The following RGS5 variants were observed in gnomAD, a reference collection of about 807,000 sequenced individuals.
The protein encoded by RGS5 is regulator of G protein signaling 5.
RGS5 carries 20 observed loss-of-function variants against 18.9 expected under a neutral mutation model. The ratio of observed to expected loss-of-function variants is 1.06; its 90% CI spans 0.74 to 1.54. The LOEUF is 1.54. Among genes scored for constraint, RGS5 ranks in the 40% most tolerant of loss-of-function variants. RGS5 has a pLI of 0.00. For missense variants in RGS5, 201 were observed against 211.8 expected, an observed-to-expected ratio of 0.95 and a Z score of 0.32; for synonymous variants, 57 against 76.2, an observed-to-expected ratio of 0.75 and a Z score of 1.31.
rs187984643 is a variant in RGS5 at position 163,278,169 on chromosome 1, G to C, written c.-281+28064C>G. Among the ~76,000 whole-genome samples, 72 of 152,156 alleles carry C rather than the reference G, an allele frequency of 4.7e-4. 1 individual carries two copies. Among genetic ancestry groups the C allele is most frequent in the Non-Finnish European group, 1.2e-4 (8 of 67,974 alleles). On this transcript the variant is annotated intron_variant, in intron 2 of 5. Coordinates refer to the RGS5 transcript ENST00000618415. ...CATCCAGATACAGGAAGCTTAAAAA[G>C]TCCCAAATAGATTAAATCCAAAAAG...
intron 2 of RGS5, chr1:163,305,099 T>C (rs1359178883): frequency 6.6e-6 from 1 of 152,236 alleles, no homozygotes; most frequent in Non-Finnish European, 1.5e-5. Context: ...GGGGAGAAGA[T>C]AAAGTATGGC....
At chr1:163,319,150 A>C (rs1293820382) in intron 1 of RGS5, 1 of 152,202 alleles carries the variant, frequency 6.6e-6, no homozygotes, top group Non-Finnish European at 1.5e-5. Flanking sequence ...AGATTTGTTT[A>C]AAGCACTAGA....
chr1:163,276,743 T>C (rs1184560769), intron 2 of RGS5, among the ~76,000 whole-genome samples: 2 of 152,234 alleles, frequency 1.3e-5, no homozygotes, highest in African/African-American at 4.8e-5. Flanking sequence ...CCAGCAGCTA[T>C]GCCACCCTGG....
At chr1:163,279,276 A>T (rs369919297) in intron 2 of RGS5, among the ~76,000 whole-genome samples, 3 of 152,136 alleles carry the variant, frequency 2.0e-5, no homozygotes, top group East Asian at 3.9e-4. Flanking sequence ...TAGGCCACCA[A>T]ACAAATATTA....
chr1:163,206,787 CT>C (rs1056643214), upstream of RGS5: 18 of 152,056 alleles, frequency 1.2e-4, no homozygotes, highest in African/African-American at 4.3e-4. Context: ...AACTTCTCAG[CT>C]TGCAAAACTG....
At chr1:163,289,841 C>A (rs576031488) in intron 2 of RGS5, among the ~76,000 whole-genome samples, 1 of 152,144 alleles carries the variant, frequency 6.6e-6, no homozygotes, top group East Asian at 1.9e-4. Flanking sequence ...TAAAAAGCAG[C>A]CCCCAAATAA....
chr1:163,284,158 G>A (rs557006526), intron 2 of RGS5, among the ~76,000 whole-genome samples: 57 of 152,274 alleles, frequency 3.7e-4, no homozygotes, highest in Admixed American at 8.5e-4. Context: ...CCTGTTTTAA[G>A]AGAATCTGAC....
At chr1:163,179,744 C>T (rs1658724592) in intron 1 of RGS5, among the ~76,000 whole-genome samples, 1 of 152,120 alleles carries the variant, frequency 6.6e-6, no homozygotes, top group Non-Finnish European at 1.5e-5. Context: ...TCTAATAGCT[C>T]CTCCAGCTAT....
At chr1:163,292,195 GT>G (rs1649306908) in intron 2 of RGS5, among the ~76,000 whole-genome samples, 1 of 152,036 alleles carries the variant, frequency 6.6e-6, no homozygotes, top group East Asian at 1.9e-4. Flanking sequence ...ACAGGCCCCA[GT>G]GTGTACTGTT....
At chr1:163,259,456 G>A (rs988874072) in intron 2 of RGS5, among the ~76,000 whole-genome samples, 1 of 151,952 alleles carries the variant, frequency 6.6e-6, no homozygotes, top group African/African-American at 2.4e-5. Context: ...GAGCCACCAC[G>A]CCCAGCTACA....
chr1:163,196,425 A>G (rs1435384623), intron 1 of RGS5, among the ~76,000 whole-genome samples: 1 of 152,164 alleles, frequency 6.6e-6, no homozygotes, highest in African/African-American at 2.4e-5. Flanking sequence ...TCCTTGCTAG[A>G]GAAGGAGAAA....
upstream of RGS5, among the ~76,000 whole-genome samples, chr1:163,204,284 A>G (rs1659884996): frequency 6.6e-6 from 1 of 151,588 alleles, no homozygotes; most frequent in Non-Finnish European, 1.5e-5. Context: ...CATAATCAAA[A>G]AAGTTTGAAA....
At chr1:163,184,066 A>G (rs753025852) in intron 1 of RGS5, among the ~76,000 whole-genome samples, 1 of 152,174 alleles carries the variant, frequency 6.6e-6, no homozygotes, top group Non-Finnish European at 1.5e-5. Flanking sequence ...AGGACTAAAG[A>G]ATAGAAACTC....
intron 2 of RGS5, among the ~76,000 whole-genome samples, chr1:163,299,945 T>G (rs1471059777): frequency 6.6e-6 from 1 of 152,226 alleles, no homozygotes; most frequent in African/African-American, 2.4e-5. Flanking sequence ...CTTTCTTAAA[T>G]GACTTGTGTG....
intron 1 of RGS5, among the ~76,000 whole-genome samples, chr1:163,174,524 C>T (rs568553396): frequency 6.6e-6 from 1 of 152,280 alleles, no homozygotes; most frequent in South Asian, 2.1e-4. Flanking sequence ...TAAGATGTCT[C>T]TAATTTGCTA....
At chr1:163,275,226 G>A (rs1028327189) in intron 2 of RGS5, among the ~76,000 whole-genome samples, 4 of 152,162 alleles carry the variant, frequency 2.6e-5, no homozygotes, top group African/African-American at 9.7e-5. Context: ...GTATTCTACG[G>A]ATGTATGGTA....
At position 163,180,562 on chromosome 1, in the gene RGS5, G is replaced by GT. The variant is rs564233424; in HGVS notation, c.45-12195dup. Among the ~76,000 whole-genome samples the GT allele has an allele frequency of 2.0e-5, 3 of 151,730 alleles. No homozygotes were observed. In the South Asian group the frequency reaches 6.3e-4, roughly 32 times the overall value. On this transcript the variant is annotated intron_variant, in intron 1 of 4. Coordinates refer to ENST00000313961, the MANE Select transcript of RGS5 (RefSeq NM_003617.4). ...CACCCCAAAGTTTCTTTATTCCCAC[G>GT]TTTTTTGGGTGTACAATTGTGCGAG...
intron 2 of RGS5, among the ~76,000 whole-genome samples, chr1:163,235,298 A>G (rs1055988400): frequency 6.6e-6 from 1 of 152,210 alleles, no homozygotes; most frequent in Non-Finnish European, 1.5e-5. Flanking sequence ...CACTCCGCTT[A>G]AGCTAGACAC....
intron 1 of RGS5, among the ~76,000 whole-genome samples, chr1:163,200,873 G>C (rs189241072): frequency 3.8e-4 from 58 of 152,168 alleles, no homozygotes; most frequent in Admixed American, 2.1e-3. Flanking sequence ...AAAAAATAAA[G>C]TGATCCAATA....
Sources: allele counts gnomAD v4.1 joint callset (sites outside exome capture counted in the v4.1 genomes callset), GRCh38; gene constraint gnomAD v4.1.1; transcripts MANE v1.5; gene names NCBI Gene and HGNC (gene_info 2026-07-23, HGNC 2026-07-21).